The following ALPK3 variants were observed in gnomAD, a reference collection of about 807,000 sequenced individuals.
ALPK3 encodes the protein alpha kinase 3.
ALPK3 carries 102 observed loss-of-function variants against 140.0 expected under a neutral mutation model. The ratio of observed to expected loss-of-function variants is 0.73; its 90% CI spans 0.62 to 0.86. The LOEUF is 0.86. Ranked by LOEUF, ALPK3 falls within the 40% of genes least tolerant of loss-of-function variation. The pLI is 0.00. For synonymous variants in ALPK3, 938 were observed against 898.5 expected, an observed-to-expected ratio of 1.04 and a Z score of -0.79; for missense variants, 2,254 against 2,208.2, an observed-to-expected ratio of 1.02 and a Z score of -0.42.
intron 4 of ALPK3, 113 bp from the exon 5 acceptor site, chr15:84,839,589 G>A: frequency 1.7e-6 from 2 of 1,180,906 alleles, no homozygotes; most frequent in Non-Finnish European, 2.4e-6. Context: ...ACACGGCAGG[G>A]CTTGCTGTAG....
chr15:84,830,141 A>T (rs574439817), intron 3 of ALPK3, among the ~76,000 whole-genome samples: 38 of 151,860 alleles, frequency 2.5e-4, no homozygotes, highest in African/African-American at 8.0e-4. Context: ...TCTGTTGCTA[A>T]TTTTTCTTAT....
At chr15:84,827,038 G>T (rs1227336519) in intron 2 of ALPK3, among the ~76,000 whole-genome samples, 1 of 152,184 alleles carries the variant, frequency 6.6e-6, no homozygotes, top group African/African-American at 2.4e-5. Context: ...AATCACTGAG[G>T]GTTGGCTGGC....
rs1478348304 is a variant in ALPK3 at position 84,859,109 on chromosome 15, G to A, written c.3818-134G>A. 1.5e-5 allele frequency: 18 copies of A among 1,222,878 alleles called. No homozygotes were observed. In the Admixed American group the frequency reaches 3.7e-4, roughly 25 times the overall value. 75.8% of individuals were successfully genotyped at this position (1,222,878 alleles called of 1,614,324 possible). A position where few individuals can be genotyped will look rare whatever the true frequency, so the allele number is the denominator to read the frequency against. On this transcript the variant is annotated intron_variant, in intron 6 of 13. Coordinates refer to ENST00000258888, the MANE Select transcript of ALPK3 (RefSeq NM_020778.5). Reference sequence around the variant, plus strand: ...AGATATAGGCAGGAGGCACCGGGGGGCTGTGAGTGGTAGGTCTGTGTGGAG... The same window carrying A: ...AGATATAGGCAGGAGGCACCGGGGGACTGTGAGTGGTAGGTCTGTGTGGAG...
chr15:84,858,323 G>A lies in ALPK3; in HGVS notation c.3585G>A (p.Gly1195=), dbSNP rs779019960. ...AGAGCCCCACGGTTTCCCCCCGGGGGCCCAGGAAAAGCCTGGTGCCTGGGT... is the reference window on the plus strand; with the variant it reads ...AGAGCCCCACGGTTTCCCCCCGGGGACCCAGGAAAAGCCTGGTGCCTGGGT... ...ERESPTVSPR[G]PRKSLVPGSP... Residue 1195 remains glycine, a synonymous_variant, in exon 6 of 14, where the codon GGG becomes GGA. Transcript: ENST00000258888. 2.9e-5 allele frequency: 45 copies of A among 1,562,142 alleles called. No individual in the cohort carries two copies. The highest frequency in any genetic ancestry group is 3.6e-5 in the Non-Finnish European group (42 of 1,153,516).
In ALPK3 at chr15:84,868,497, A is replaced by C; in HGVS notation, c.*41A>C. On this transcript the variant is annotated 3_prime_UTR_variant, in exon 14 of 14. Coordinates refer to ENST00000258888, the MANE Select transcript of ALPK3 (RefSeq NM_020778.5). ...GGGGCCTCCACCCAGCAGCAGACCA[A>C]CCAGGAAGCAGCTTGAACTGGATGG... is the stretch of plus-strand genomic sequence containing the variant. 6.5e-7 allele frequency: 1 copy of C among 1,539,632 alleles called. No homozygotes were observed. The highest frequency in any genetic ancestry group is 8.7e-7 in the Non-Finnish European group (1 of 1,142,966).
At chr15:84,821,760 C>G (rs1363727946) in intron 1 of ALPK3, among the ~76,000 whole-genome samples, 1 of 152,028 alleles carries the variant, frequency 6.6e-6, no homozygotes, top group Non-Finnish European at 1.5e-5. Flanking sequence ...TTCTATAGAA[C>G]AGCAGTTAAA....
intron 3 of ALPK3, 73 bp downstream of exon 3, chr15:84,827,678 G>A: frequency 2.5e-6 from 4 of 1,580,344 alleles, no homozygotes; most frequent in Non-Finnish European, 3.4e-6. Flanking sequence ...TGTGAGGACA[G>A]GAATGGTGGG....
In ALPK3 at chr15:84,857,948, T is replaced by C; in HGVS notation, c.3210T>C (p.Thr1070=). 1 of 1,609,252 alleles carries C rather than the reference T, an allele frequency of 6.2e-7. No individual in the cohort carries two copies. The highest frequency in any genetic ancestry group is 2.2e-5 in the East Asian group (1 of 44,742). Residue 1070 remains threonine, a synonymous_variant, in exon 6 of 14, where the codon ACT becomes ACC. Transcript: ENST00000258888. ...GSWGPGPSSL[T]VPAIVVDEED... ...GGGGTCCTGGTCCCAGCTCCCTCACTGTCCCTGCCATTGTGGTAGACGAGG... is the reference window on the plus strand; with the variant it reads ...GGGGTCCTGGTCCCAGCTCCCTCACCGTCCCTGCCATTGTGGTAGACGAGG...
chr15:84,857,294 G>A lies in ALPK3; in HGVS notation c.2556G>A (p.Gln852=), dbSNP rs1355264772. Residue 852 remains glutamine, a synonymous_variant, in exon 6 of 14, where the codon CAG becomes CAA. Coordinates refer to ENST00000258888, the MANE Select transcript of ALPK3 (RefSeq NM_020778.5). ...CAGGGGGAGTGCCGTGTATGGATCA[G>A]GGTGGCTGTCCTCTAGCTGGCCTGA... is the stretch of plus-strand genomic sequence containing the variant. ...ERPGGVPCMD[Q]GGCPLAGLSQ... 31 of 1,613,974 alleles carry A rather than the reference G, an allele frequency of 1.9e-5. No individual in the cohort carries two copies. The highest frequency in any genetic ancestry group is 2.4e-5 in the Non-Finnish European group (28 of 1,180,002).
In ALPK3 at chr15:84,832,820, C is replaced by T. The variant is rs117423816; in HGVS notation, c.304+5215C>T. Among the ~76,000 whole-genome samples the T allele has an allele frequency of 3.1e-3, 472 of 152,284 alleles. 21 individuals carry two copies. In the East Asian group the frequency reaches 0.078, roughly 25 times the overall value. On this transcript the variant is annotated intron_variant, in intron 3 of 13. Transcript: ENST00000258888. ...CACAGCTTTGGTACCTTGGTAACAG[C>T]GGCTGCAGTGGGGACCTGGGACCAC...
At chr15:84,847,702 A>G (rs1430978422) in intron 5 of ALPK3, among the ~76,000 whole-genome samples, 1 of 152,222 alleles carries the variant, frequency 6.6e-6, no homozygotes, top group Non-Finnish European at 1.5e-5. Context: ...ATTGAAAGTG[A>G]AATAAAGACA....
Position 84,869,808 on chromosome 15 carries a change from G to A in ALPK3, c.*1352G>A, listed in dbSNP as rs1415791412. 6.5e-6 allele frequency: 1 copy of A among 152,726 alleles called. No individual in the cohort carries two copies. Among genetic ancestry groups the A allele is most frequent in the Non-Finnish European group, 1.5e-5 (1 of 68,114 alleles). The allele number at this position is 152,726 out of a possible 1,614,324, so 9.5% of individuals were successfully genotyped here. A position where few individuals can be genotyped will look rare whatever the true frequency, so the allele number is the denominator to read the frequency against. On this transcript the variant is annotated 3_prime_UTR_variant, in exon 14 of 14. Coordinates refer to ENST00000258888, the MANE Select transcript of ALPK3 (RefSeq NM_020778.5). ...AGTCAAGGTCCCCCTCTCCCAGGCA[G>A]GCTCTCTGAGGGCATTCTGTAGTCC...
In ALPK3 at chr15:84,847,208, G is replaced by GAGAGAGAGAGAGAGAGA. The variant is rs373039929; in HGVS notation, c.1653+6276_1653+6277insAGAGAGAGAGAGAGAGA. Among the ~76,000 whole-genome samples the GAGAGAGAGAGAGAGAGA allele has an allele frequency of 7.0e-4, 82 of 116,638 alleles. 5 individuals carry two copies. The highest frequency in any genetic ancestry group is 1.6e-3 in the South Asian group (5 of 3,112). The allele number at this position is 116,638 out of a possible 152,430, so 76.5% of individuals were successfully genotyped here. The stretch of plus-strand genomic sequence containing the variant: ...GAGAGAGGAAGGGAGGGAGAAACGG[G>GAGAGAGAGAGAGAGAGA]GAGAGAGAGAGAGAGAGAGAGAGAG... On this transcript the variant is annotated intron_variant, in intron 5 of 13. Coordinates refer to ENST00000258888, the MANE Select transcript of ALPK3 (RefSeq NM_020778.5).
intron 2 of ALPK3, among the ~76,000 whole-genome samples, chr15:84,825,269 C>T (rs528786726): frequency 6.6e-6 from 1 of 152,082 alleles, no homozygotes; most frequent in East Asian, 1.9e-4. Flanking sequence ...CTCTGCCTGC[C>T]AGGTTCAAGT....
At position 84,839,084 on chromosome 15, in the gene ALPK3, C is replaced by T; in HGVS notation, c.409C>T (p.Leu137=). Residue 137 remains leucine (L), a synonymous_variant, in exon 4 of 14, where the codon CTG becomes TTG. Transcript: ENST00000258888. ...CACTCATCAGGGCAACCGCCACACACTGCAGCTGTACAGGTGAGGGAGAAG... is the reference window on the plus strand; with the variant it reads ...CACTCATCAGGGCAACCGCCACACATTGCAGCTGTACAGGTGAGGGAGAAG... ...EITHQGNRHT[L]QLYRCREEDA... is the part of the protein sequence containing the mutation. 1 of 1,608,820 alleles carries T rather than the reference C, an allele frequency of 6.2e-7. No individual in the cohort carries two copies. Among genetic ancestry groups the T allele is most frequent in the Non-Finnish European group, 8.5e-7 (1 of 1,177,402 alleles).
intron 2 of ALPK3, among the ~76,000 whole-genome samples, chr15:84,824,058 C>T (rs1339202286): frequency 6.6e-6 from 1 of 152,096 alleles, no homozygotes; most frequent in Non-Finnish European, 1.5e-5. Flanking sequence ...AGGTGTGATA[C>T]CTTATTGTCT....
At chr15:84,821,649 T>C (rs886408698) in intron 1 of ALPK3, among the ~76,000 whole-genome samples, 20 of 152,104 alleles carry the variant, frequency 1.3e-4, no homozygotes, top group African/African-American at 4.6e-4. Flanking sequence ...GCACCCTTCC[T>C]GCTTGAAAAA....
At chr15:84,860,388 A>G (rs931845952) in intron 9 of ALPK3, among the ~76,000 whole-genome samples, 4 of 152,176 alleles carry the variant, frequency 2.6e-5, no homozygotes, top group African/African-American at 9.7e-5. Context: ...GGTTTCTCAC[A>G]GTGCTCTGTG....
chr15:84,848,210 A>T (rs1251800969), intron 5 of ALPK3, among the ~76,000 whole-genome samples: 1 of 152,116 alleles, frequency 6.6e-6, no homozygotes, highest in Admixed American at 6.5e-5. Flanking sequence ...AGATTATTTC[A>T]TCTTGATTTC....
Sources: gnomAD v4.1 joint callset for allele counts (sites outside exome capture counted in the v4.1 genomes callset) on GRCh38, gnomAD v4.1.1 for gene constraint, MANE v1.5 for transcripts, NCBI Gene and HGNC (gene_info 2026-07-23, HGNC 2026-07-21) for gene names.